The following LARGE1 variants were observed in gnomAD, a reference collection of about 807,000 sequenced individuals.
The protein encoded by LARGE1 is xylosyl- and glucuronyltransferase LARGE1.
A neutral mutation model predicts 87.6 loss-of-function variants in LARGE1; 43 were observed. That is an observed-to-expected ratio of 0.49 (90% CI 0.38 to 0.63). The LOEUF is 0.63. LARGE1 is among the 30% of genes least tolerant of loss of function. The probability of loss-of-function intolerance (pLI) is 0.00; values close to 1 mark genes in which losing one functional copy is unlikely to be tolerated. For missense variants in LARGE1, 802 were observed against 1,000.2 expected (o/e 0.80, Z 2.67); for synonymous variants, 434 against 394.6 (o/e 1.10, Z -1.18).
chr22:33,900,382 C>G lies in LARGE1; in HGVS notation c.-83+19613G>C, dbSNP rs138088347. ...AAGGACTTACAATTGAAAATTCTCA[C>G]AGACCACATCACGTGTCAGACCCAA... On this transcript the variant is annotated intron_variant, in intron 1 of 14. Coordinates refer to ENST00000397394, the MANE Select transcript of LARGE1 (RefSeq NM_133642.5). Among the ~76,000 whole-genome samples the G allele has an allele frequency of 5.7e-3, 867 of 152,322 alleles. 8 individuals are homozygous for G. Among genetic ancestry groups the G allele is most frequent in the African/African-American group, 0.019 (806 of 41,572 alleles).
At chr22:33,351,706 T>C (rs546058524) in intron 9 of LARGE1, among the ~76,000 whole-genome samples, 1 of 152,122 alleles carries the variant, frequency 6.6e-6, no homozygotes, top group South Asian at 2.1e-4. Flanking sequence ...GCAGGGTAGA[T>C]ATAATGACTC....
chr22:33,586,543 C>T (rs186104982), intron 5 of LARGE1, among the ~76,000 whole-genome samples: 4 of 151,838 alleles, frequency 2.6e-5, no homozygotes, highest in East Asian at 1.9e-4. Context: ...CGGCAAGCTC[C>T]GCCTCCTGGG....
intron 1 of LARGE1, among the ~76,000 whole-genome samples, chr22:33,785,767 G>T (rs990586522): frequency 3.9e-5 from 6 of 152,080 alleles, no homozygotes; most frequent in Non-Finnish European, 7.4e-5. Flanking sequence ...GAACGGAAAG[G>T]GTCACCTGGT....
chr22:33,622,423 G>A (rs1377300966), intron 4 of LARGE1, among the ~76,000 whole-genome samples: 1 of 152,186 alleles, frequency 6.6e-6, no homozygotes, highest in African/African-American at 2.4e-5. Flanking sequence ...GCCATGCTAA[G>A]CTGTGAGTCA....
chr22:33,071,667 T>A, the LARGE1 span, among the ~76,000 whole-genome samples: 2 of 152,294 alleles, frequency 1.3e-5, no homozygotes, highest in African/African-American at 4.8e-5. Context: ...ATACTTTATA[T>A]TAATACATGT....
chr22:33,103,491 T>C, the LARGE1 span, among the ~76,000 whole-genome samples: 1 of 104,134 alleles, frequency 9.6e-6, no homozygotes, highest in Non-Finnish European at 2.0e-5. Context: ...CTTGACCTAA[T>C]CAAATGAGCT....
Position 33,842,943 on chromosome 22 carries a change from CA to C in LARGE1, c.-83+77051del, listed in dbSNP as rs201164907. ...CAAAACAAAACAAAACAAAACAAAA[CA>C]AAACAAAACAAAAAAACCACAACAC... is the stretch of plus-strand genomic sequence containing the variant. On this transcript the variant is annotated intron_variant, in intron 1 of 14. Coordinates refer to ENST00000397394, the MANE Select transcript of LARGE1 (RefSeq NM_133642.5). 8.7e-3 allele frequency among the ~76,000 whole-genome samples: 1,156 copies of C among 132,146 alleles called. 15 individuals carry two copies. Among genetic ancestry groups the C allele is most frequent in the African/African-American group, 0.048 (1,108 of 23,300 alleles). 86.7% of individuals were successfully genotyped at this position (132,146 alleles called of 152,430 possible).
Position 33,742,730 on chromosome 22 carries a change from T to G in LARGE1, c.106+18641A>C, listed in dbSNP as rs1003721381. ...TAATAAAAACAAAAGTACAATGTCT[T>G]TTTTCCACTGGAAATTTTAAAAAGG... On this transcript the variant is annotated intron_variant, in intron 2 of 14. Transcript: ENST00000397394. 2.0e-5 allele frequency among the ~76,000 whole-genome samples: 3 copies of G among 152,346 alleles called. No individual in the cohort carries two copies. In the South Asian group the frequency reaches 6.2e-4, roughly 32 times the overall value.
intron 11 of LARGE1, among the ~76,000 whole-genome samples, chr22:33,257,682 G>C (rs565841595): frequency 1.3e-5 from 2 of 152,156 alleles, no homozygotes; most frequent in Non-Finnish European, 2.9e-5. Context: ...TGTTAGGGAC[G>C]AGGAAGAGGA....
intron 1 of LARGE1, among the ~76,000 whole-genome samples, chr22:33,822,802 C>T (rs1369683102): frequency 1.3e-5 from 2 of 152,212 alleles, no homozygotes; most frequent in Non-Finnish European, 2.9e-5. Flanking sequence ...TTCTATCCTT[C>T]CAGTCACACG....
At chr22:33,085,073 C>G in the LARGE1 span, among the ~76,000 whole-genome samples, 1 of 152,192 alleles carries the variant, frequency 6.6e-6, no homozygotes, top group Non-Finnish European at 1.5e-5. Flanking sequence ...GTCAGGAGTT[C>G]GAGACCTGCC....
intron 6 of LARGE1, among the ~76,000 whole-genome samples, chr22:33,447,939 G>C (rs557050925): frequency 1.3e-5 from 2 of 152,166 alleles, no homozygotes; most frequent in African/African-American, 4.8e-5. Context: ...CCACCTGGAT[G>C]AACCTTGGAA....
chr22:33,451,630 C>T (rs1035849425), intron 6 of LARGE1, among the ~76,000 whole-genome samples: 1 of 151,328 alleles, frequency 6.6e-6, no homozygotes, highest in African/African-American at 2.4e-5. Flanking sequence ...ATGATCTCGG[C>T]TCACTGCAAC....
At chr22:33,368,120 A>G (rs1198752622) in intron 9 of LARGE1, among the ~76,000 whole-genome samples, 2 of 152,182 alleles carry the variant, frequency 1.3e-5, no homozygotes, top group African/African-American at 4.8e-5. Flanking sequence ...AAGGATGTAT[A>G]CTCTCAGATC....
At chr22:33,468,177 T>C (rs1368240586) in intron 6 of LARGE1, among the ~76,000 whole-genome samples, 1 of 152,198 alleles carries the variant, frequency 6.6e-6, no homozygotes, top group Non-Finnish European at 1.5e-5. Flanking sequence ...AGAGCATTCA[T>C]TCCTTTGTTG....
At chr22:33,486,419 T>C (rs976139739) in intron 6 of LARGE1, among the ~76,000 whole-genome samples, 15 of 152,252 alleles carry the variant, frequency 9.9e-5, no homozygotes, top group South Asian at 8.3e-4. Flanking sequence ...AGTTTATCAA[T>C]TGGCTAATCA....
chr22:33,368,171 G>A (rs1490346790), intron 9 of LARGE1, among the ~76,000 whole-genome samples: 3 of 152,150 alleles, frequency 2.0e-5, no homozygotes, highest in African/African-American at 7.2e-5. Flanking sequence ...AAGTCAACAT[G>A]TTAACTGTGT....
intron 1 of LARGE1, among the ~76,000 whole-genome samples, chr22:33,798,294 A>G (rs2086050943): frequency 7.1e-6 from 1 of 140,404 alleles, no homozygotes. Flanking sequence ...CTGTCTCTCA[A>G]TCAATCAATC....
At chr22:33,112,649 G>A in the LARGE1 span, among the ~76,000 whole-genome samples, 1 of 152,314 alleles carries the variant, frequency 6.6e-6, no homozygotes, top group South Asian at 2.1e-4. Context: ...AGAGAGGTAG[G>A]AAGGGTTGTT....
Sources: gnomAD v4.1 joint callset for allele counts (sites outside exome capture counted in the v4.1 genomes callset) on GRCh38, gnomAD v4.1.1 for gene constraint, MANE v1.5 for transcripts, NCBI Gene and HGNC (gene_info 2026-07-23, HGNC 2026-07-21) for gene names.